Variants in BDP1 observed in about 807,000 individuals in gnomAD.
BDP1 encodes transcription factor TFIIIB component B'' homolog.
Under a neutral mutation model 266.6 loss-of-function variants are expected in BDP1, and 169 were observed. The observed-to-expected ratio is 0.63, with a 90% CI of 0.56 to 0.72. BDP1 has a LOEUF of 0.72. Among genes scored for constraint, BDP1 ranks in the 30% least tolerant of loss-of-function variants. The pLI is 0.00. For missense variants in BDP1, 3,015 were observed against 3,053.8 expected (o/e 0.99, Z 0.30); for synonymous variants, 1,090 against 1,022.4 (o/e 1.07, Z -1.26).
At chr5:71,492,703 T>A (rs1178671475) in intron 11 of BDP1, among the ~76,000 whole-genome samples, 6 of 152,264 alleles carry the variant, frequency 3.9e-5, no homozygotes, top group Admixed American at 3.9e-4. Context: ...TTCACTCTGC[T>A]GTTTCCTTTG....
intron 32 of BDP1, 23 bp from the exon 33 acceptor site, chr5:71,548,657 CTT>C: frequency 6.5e-7 from 1 of 1,528,730 alleles, no homozygotes; most frequent in Non-Finnish European, 9.0e-7. Flanking sequence ...CAACCTGACT[CTT>C]TCATTTTAAT....
chr5:71,461,732 G>A (rs1455221572), intron 2 of BDP1, 85 bp from the exon 3 acceptor site: 8 of 711,148 alleles, frequency 1.1e-5, no homozygotes, highest in South Asian at 1.9e-5. Context: ...TACAGTGAAC[G>A]CAACAGTGGA....
chr5:71,457,322 TTTAA>T (rs1761257214), intron 1 of BDP1, among the ~76,000 whole-genome samples: 1 of 151,670 alleles, frequency 6.6e-6, no homozygotes, highest in Non-Finnish European at 1.5e-5. Flanking sequence ...TTTTTTTTTT[TTTAA>T]TTAGTTTTTT....
Position 71,510,834 on chromosome 5 carries a change from A to T in BDP1, c.3742A>T (p.Arg1248Trp), listed in dbSNP as rs1041731545. Residue 1248 changes from arginine (R) to tryptophan (W), a missense_variant, in exon 17 of 39, where the codon AGG (arginine) becomes TGG (tryptophan). This residue lies in a region of BDP1 where 2,383 missense variants were observed against 2,404.9 expected (regional missense o/e 0.99). Coordinates refer to ENST00000358731, the MANE Select transcript of BDP1 (RefSeq NM_018429.3). ...GGTGCTAGCAGAGTTCAGTGCTATAAGGGAAAAGGAGATTGATTTGAAAGA... is the reference window on the plus strand; with the variant it reads ...GGTGCTAGCAGAGTTCAGTGCTATATGGGAAAAGGAGATTGATTTGAAAGA... The part of the protein sequence containing the change: ...EKVLAEFSAI[R>W]EKEIDLKETG... 1 of 1,613,234 alleles carries T rather than the reference A, an allele frequency of 6.2e-7. No individual in the cohort carries two copies. The highest frequency in any genetic ancestry group is 8.5e-7 in the Non-Finnish European group (1 of 1,179,770).
rs557097696 is a variant in BDP1 at position 71,532,073 on chromosome 5, A to C, written c.5773-235A>C. 9.8e-5 allele frequency among the ~76,000 whole-genome samples: 15 copies of C among 152,304 alleles called. No individual in the cohort carries two copies. The South Asian group carries it at 3.1e-3, about 32-fold the overall frequency. ...GGCACTAAGAAGATGAGTCTTAGAA[A>C]ATTTGCTTACTGGTTTTAATAGTCA... On this transcript the variant is annotated intron_variant, in intron 25 of 38. Coordinates refer to ENST00000358731, the MANE Select transcript of BDP1 (RefSeq NM_018429.3).
intron 13 of BDP1, 46 bp downstream of exon 13, chr5:71,497,472 C>G: frequency 6.7e-7 from 1 of 1,484,370 alleles, no homozygotes; most frequent in Middle Eastern, 1.8e-4. Context: ...TAAAAATTTT[C>G]TTTAGATAGT....
At chr5:71,532,221 T>C in intron 25 of BDP1, 87 bp from the exon 26 acceptor site, 1 of 1,157,860 alleles carries the variant, frequency 8.6e-7, no homozygotes, top group Non-Finnish European at 1.2e-6. Context: ...TTTTAGCGTT[T>C]CATCTTACTT....
chr5:71,531,628 C>G (rs1766252286), intron 25 of BDP1, among the ~76,000 whole-genome samples: 1 of 152,172 alleles, frequency 6.6e-6, no homozygotes, highest in Admixed American at 6.5e-5. Context: ...CCTGCCTCAG[C>G]CTCCCCAGTA....
intron 7 of BDP1, among the ~76,000 whole-genome samples, chr5:71,480,704 C>T (rs1762900425): frequency 6.6e-6 from 1 of 151,488 alleles, no homozygotes; most frequent in Admixed American, 6.6e-5. Context: ...GTTGGGATTA[C>T]AGGTGCATGC....
chr5:71,510,535 CTGGAAGAAGA>C lies in BDP1; in HGVS notation c.3444_3453del (p.Gly1149LysfsTer15). On this transcript the variant is annotated frameshift_variant, in exon 17 of 39. Transcript: ENST00000358731. LOFTEE classifies it high-confidence loss of function. ...GAAATAGACAAAGATCTGGAAGAAA[CTGGAAGAAGA>C]GAAATATCCCCAGAGGAAAATGGCC... 1 of 1,613,150 alleles carries C rather than the reference CTGGAAGAAGA, an allele frequency of 6.2e-7. No individual in the cohort carries two copies. Among genetic ancestry groups the C allele is most frequent in the South Asian group, 1.1e-5 (1 of 91,030 alleles).
downstream of BDP1, among the ~76,000 whole-genome samples, chr5:71,569,869 A>G (rs1163098370): frequency 6.6e-6 from 1 of 152,228 alleles, no homozygotes; most frequent in African/African-American, 2.4e-5. Context: ...AAACAAAAAA[A>G]TGTGAAACAT....
intron 16 of BDP1, among the ~76,000 whole-genome samples, chr5:71,505,346 T>C (rs1242437096): frequency 6.6e-6 from 1 of 152,220 alleles, no homozygotes; most frequent in Non-Finnish European, 1.5e-5. Flanking sequence ...TATATGTTTA[T>C]GTTCAAATGT....
chr5:71,475,565 G>A (rs1392382976), intron 7 of BDP1, among the ~76,000 whole-genome samples: 1 of 152,192 alleles, frequency 6.6e-6, no homozygotes, highest in East Asian at 1.9e-4. Flanking sequence ...CAGCAAAGCA[G>A]TAGTTCATTA....
chr5:71,568,371 C>G (rs919730133), downstream of BDP1, among the ~76,000 whole-genome samples: 1 of 152,108 alleles, frequency 6.6e-6, no homozygotes, highest in African/African-American at 2.4e-5. Flanking sequence ...GTAGTATTCC[C>G]AAATATATTT....
chr5:71,478,365 T>C (rs1762728653), intron 7 of BDP1, among the ~76,000 whole-genome samples: 1 of 152,222 alleles, frequency 6.6e-6, no homozygotes, highest in African/African-American at 2.4e-5. Context: ...GTTTTTAGCA[T>C]TTAACTATTT....
At chr5:71,557,906 A>C (rs1743339226) in intron 36 of BDP1, among the ~76,000 whole-genome samples, 1 of 152,144 alleles carries the variant, frequency 6.6e-6, no homozygotes, top group African/African-American at 2.4e-5. Flanking sequence ...TTTCAGGCTT[A>C]AGCCACCTAT....
At chr5:71,491,744 G>A (rs925448837) in intron 11 of BDP1, among the ~76,000 whole-genome samples, 1 of 152,062 alleles carries the variant, frequency 6.6e-6, no homozygotes, top group Non-Finnish European at 1.5e-5. Flanking sequence ...TTGAGATGGG[G>A]TCGGTCTCTG....
At chr5:71,546,862 T>G (rs951184400) in intron 32 of BDP1, among the ~76,000 whole-genome samples, 8 of 151,994 alleles carry the variant, frequency 5.3e-5, no homozygotes, top group African/African-American at 1.9e-4. Context: ...TTTTTTCTTT[T>G]TGAGACAGAG....
intron 26 of BDP1, among the ~76,000 whole-genome samples, chr5:71,535,441 G>C (rs1307445820): frequency 1.3e-5 from 2 of 152,040 alleles, no homozygotes; most frequent in Non-Finnish European, 2.9e-5. Context: ...CTGACCTCAG[G>C]TGATCTGCCC....
Sources: allele counts gnomAD v4.1 joint callset (sites outside exome capture counted in the v4.1 genomes callset), GRCh38; gene constraint gnomAD v4.1.1; regional missense constraint gnomAD v4.1.1; transcripts MANE v1.5; gene names NCBI Gene and HGNC (gene_info 2026-07-23, HGNC 2026-07-21).